Variants in DAB1 observed in about 807,000 individuals in gnomAD.
The protein encoded by DAB1 is DAB adaptor protein 1.
DAB1 carries 15 observed loss-of-function variants against 64.6 expected under a neutral mutation model. The ratio of observed to expected loss-of-function variants is 0.23; its 90% confidence interval spans 0.16 to 0.36. DAB1 has a LOEUF of 0.36. Among genes scored for constraint, DAB1 ranks in the 10% least tolerant of loss-of-function variants. The pLI is 1.00. For missense variants in DAB1, 596 were observed against 706.7 expected (o/e 0.84, Z 1.78); for synonymous variants, 235 against 251.9 (o/e 0.93, Z 0.64).
intron 14 of DAB1, among the ~76,000 whole-genome samples, chr1:57,004,416 G>A (rs769617958): frequency 6.6e-6 from 1 of 152,208 alleles, no homozygotes; most frequent in Non-Finnish European, 1.5e-5. Flanking sequence ...CTAGTGGAGC[G>A]AAGACACTGC....
intron 6 of DAB1, among the ~76,000 whole-genome samples, chr1:57,705,295 G>C (rs1200394932): frequency 6.6e-6 from 1 of 151,932 alleles, no homozygotes; most frequent in Non-Finnish European, 1.5e-5. Flanking sequence ...TTTTAAAACT[G>C]TTAATCTTTC....
intron 9 of DAB1, among the ~76,000 whole-genome samples, chr1:57,037,128 A>G (rs1411744215): frequency 2.0e-5 from 3 of 152,212 alleles, no homozygotes; most frequent in African/African-American, 7.2e-5. Flanking sequence ...TGGCATCAGT[A>G]GGTTTTAAAA....
chr1:58,117,136 C>A (rs1008650305), intron 5 of DAB1, among the ~76,000 whole-genome samples: 1 of 152,178 alleles, frequency 6.6e-6, no homozygotes, highest in African/African-American at 2.4e-5. Context: ...TGATGAGTAT[C>A]ATTTACTAAG....
intron 1 of DAB1, among the ~76,000 whole-genome samples, chr1:57,383,240 G>A (rs1047699152): frequency 3.3e-5 from 5 of 152,150 alleles, no homozygotes; most frequent in African/African-American, 1.2e-4. Context: ...TGTATTTAGA[G>A]TATTTTGAGG....
chr1:57,098,057 A>G (rs1266192621), intron 4 of DAB1, among the ~76,000 whole-genome samples: 1 of 152,168 alleles, frequency 6.6e-6, no homozygotes, highest in African/African-American at 2.4e-5. Flanking sequence ...GATTACAGGC[A>G]TGAGCCACCG....
chr1:57,526,934 A>G (rs1272380763), intron 7 of DAB1, among the ~76,000 whole-genome samples: 1 of 152,200 alleles, frequency 6.6e-6, no homozygotes, highest in Non-Finnish European at 1.5e-5. Flanking sequence ...TTTAATACAC[A>G]TGATACTCTC....
chr1:57,949,825 G>GA (rs1645245100), intron 5 of DAB1, among the ~76,000 whole-genome samples: 2 of 152,090 alleles, frequency 1.3e-5, no homozygotes, highest in South Asian at 2.1e-4. Context: ...CAAGAGGAAA[G>GA]AAAAAATAAA....
At chr1:58,048,830 T>C (rs1570276950) in intron 5 of DAB1, 2 of 1,039,856 alleles carry the variant, frequency 1.9e-6, no homozygotes, top group South Asian at 1.3e-5. Context: ...GAATCATGGT[T>C]GTCAAAGGTT....
chr1:57,896,871 T>C (rs72918583), intron 5 of DAB1, among the ~76,000 whole-genome samples: 1,622 of 152,280 alleles, frequency 0.011, 22 homozygotes, highest in African/African-American at 0.036. Context: ...AAGCACTGGA[T>C]TCATAGTTTG....
intron 5 of DAB1, among the ~76,000 whole-genome samples, chr1:57,984,060 G>C (rs1372833777): frequency 6.6e-6 from 1 of 151,724 alleles, no homozygotes; most frequent in African/African-American, 2.4e-5. Flanking sequence ...TGGGTTACAA[G>C]CCAAAGCAAG....
intron 1 of DAB1, chr1:58,546,524 C>A (rs1462183432): frequency 6.7e-6 from 1 of 148,858 alleles, no homozygotes; most frequent in Non-Finnish European, 1.5e-5. Context: ...CTCCACGCAG[C>A]CTTATCGCCC....
chr1:58,218,764 C>T (rs945648970), intron 4 of DAB1, among the ~76,000 whole-genome samples: 10 of 152,076 alleles, frequency 6.6e-5, no homozygotes, highest in African/African-American at 2.2e-4. Flanking sequence ...GCATGTTTTC[C>T]AGAGGGAGGC....
At chr1:57,397,340 C>CA (rs1682894659) in intron 1 of DAB1, among the ~76,000 whole-genome samples, 1 of 152,202 alleles carries the variant, frequency 6.6e-6, no homozygotes, top group African/African-American at 2.4e-5. Flanking sequence ...CCTATACACT[C>CA]ATCCCCACCA....
intron 6 of DAB1, among the ~76,000 whole-genome samples, chr1:57,711,585 G>A (rs1323817): frequency 1 from 151,955 of 152,350 alleles, 75,781 homozygotes; most frequent in Middle Eastern, 1. Flanking sequence ...TCCACAGTTT[G>A]GCATAGCACT....
chr1:57,257,709 C>T (rs1472277271), intron 2 of DAB1, among the ~76,000 whole-genome samples: 2 of 152,146 alleles, frequency 1.3e-5, no homozygotes, highest in East Asian at 1.9e-4. Flanking sequence ...ACTGGGCTGA[C>T]GTTAAGTTAT....
intron 1 of DAB1, chr1:58,536,802 CA>C (rs1282631273): frequency 1.3e-5 from 10 of 796,722 alleles, no homozygotes; most frequent in Admixed American, 1.0e-4. Flanking sequence ...CACTAAAGCT[CA>C]AATGCATACA....
At chr1:58,105,732 A>C (rs1651593926) in intron 5 of DAB1, among the ~76,000 whole-genome samples, 1 of 152,208 alleles carries the variant, frequency 6.6e-6, no homozygotes, top group Non-Finnish European at 1.5e-5. Flanking sequence ...AGGAATAATG[A>C]GGAAAGTAAG....
At chr1:57,481,212 C>T (rs1172105632) in intron 7 of DAB1, among the ~76,000 whole-genome samples, 5 of 152,164 alleles carry the variant, frequency 3.3e-5, no homozygotes, top group African/African-American at 1.2e-4. Flanking sequence ...AAGCATCAGT[C>T]ATTTTTAAAG....
At chr1:58,235,445 G>A (rs886134144) in intron 4 of DAB1, among the ~76,000 whole-genome samples, 27 of 152,162 alleles carry the variant, frequency 1.8e-4, no homozygotes, top group African/African-American at 5.8e-4. Context: ...AAAAAGATAA[G>A]GGAACAAAGT....
Sources: gnomAD v4.1 joint callset for allele counts (sites outside exome capture counted in the v4.1 genomes callset) on GRCh38, gnomAD v4.1.1 for gene constraint, MANE v1.5 for transcripts, NCBI Gene and HGNC (gene_info 2026-07-23, HGNC 2026-07-21) for gene names.